The following NT5C2 variants were observed in gnomAD, a reference collection of about 807,000 sequenced individuals.
NT5C2 encodes the protein cytosolic purine 5'-nucleotidase.
Under a neutral mutation model 76.1 loss-of-function variants are expected in NT5C2, and 58 were observed. The ratio of observed to expected loss-of-function variants is 0.76; its 90% CI spans 0.62 to 0.95. NT5C2 has a LOEUF of 0.95. Among genes scored for constraint, NT5C2 ranks in the 40% least tolerant of loss-of-function variants. NT5C2 has a pLI of 0.00. For missense variants in NT5C2, 478 were observed against 690.3 expected (o/e 0.69, Z 3.45); for synonymous variants, 229 against 237.4 (o/e 0.96, Z 0.32).
intron 4 of NT5C2, among the ~76,000 whole-genome samples, chr10:103,123,640 A>T (rs1291255148): frequency 6.6e-6 from 1 of 152,164 alleles, no homozygotes; most frequent in Admixed American, 6.5e-5. Context: ...TCTTCCTGAA[A>T]ATTTCTCAGA....
chr10:103,106,591 G>T lies in NT5C2; in HGVS notation c.291C>A (p.Thr97=). Residue 97 remains threonine (T), a splice_region_variant and synonymous_variant, in exon 5 of 19, where the codon ACC becomes ACA. Coordinates refer to ENST00000404739, the MANE Select transcript of NT5C2 (RefSeq NM_001351169.2). The part of the protein sequence containing the change: ...LSFAYDSTFP[T]RGLVFDTLYG... ...CCAAAAATATCTTTAAAAATTACCT[G>T]GTAGGGAATGTAGAATCATAAGCAA... 2 of 1,576,746 alleles carry T rather than the reference G, an allele frequency of 1.3e-6. No homozygotes were observed. Among genetic ancestry groups the T allele is most frequent in the Admixed American group, 1.7e-5 (1 of 59,960 alleles).
In NT5C2 at chr10:103,089,830, T is replaced by G. The variant is rs766540908; in HGVS notation, c.1528A>C (p.Thr510Pro). The G allele has an allele frequency of 1.5e-5, 24 of 1,614,002 alleles. No individual in the cohort carries two copies. Among genetic ancestry groups the G allele is most frequent in the Non-Finnish European group, 2.0e-5 (24 of 1,180,028 alleles). ...MESPLATRNR[T>P]SVDFKDTDYK... ...TCAGTGTCTTTGAAATCCACTGATGTGCGGTTCCGGGTGGCAAGAGGAGAC... is the reference window on the plus strand; with the variant it reads ...TCAGTGTCTTTGAAATCCACTGATGGGCGGTTCCGGGTGGCAAGAGGAGAC... Residue 510 changes from threonine (T) to proline (P), a missense_variant, in exon 19 of 19, where the codon ACA (threonine) becomes CCA (proline). Transcript: ENST00000404739.
chr10:103,189,760 C>T (rs974694233), intron 1 of NT5C2, among the ~76,000 whole-genome samples: 2 of 151,288 alleles, frequency 1.3e-5, no homozygotes, highest in African/African-American at 4.9e-5. Flanking sequence ...CCTCTGCCTC[C>T]CAGGTTCAAG....
chr10:103,129,942 C>G (rs1328035350), intron 4 of NT5C2, among the ~76,000 whole-genome samples: 1 of 127,070 alleles, frequency 7.9e-6, no homozygotes, highest in Non-Finnish European at 1.7e-5. Context: ...GGGGGTCAGC[C>G]CCCCCGCCCG....
chr10:103,142,010 A>G (rs1409367183), intron 3 of NT5C2, among the ~76,000 whole-genome samples: 2 of 152,232 alleles, frequency 1.3e-5, no homozygotes, highest in Non-Finnish European at 2.9e-5. Context: ...AAAATGCAAG[A>G]AAGGCAACGC....
chr10:103,102,992 T>C (rs1234579892), intron 6 of NT5C2, among the ~76,000 whole-genome samples: 3 of 151,434 alleles, frequency 2.0e-5, no homozygotes, highest in African/African-American at 7.3e-5. Flanking sequence ...TGAAGAAAAT[T>C]CAAGGTTTAA....
intron 3 of NT5C2, among the ~76,000 whole-genome samples, chr10:103,155,956 G>C (rs973438930): frequency 6.6e-6 from 1 of 152,116 alleles, no homozygotes; most frequent in African/African-American, 2.4e-5. Context: ...TTGAGGCCAA[G>C]AGTTTTAGAC....
chr10:103,165,750 T>A (rs891609525), intron 3 of NT5C2, among the ~76,000 whole-genome samples: 2 of 149,648 alleles, frequency 1.3e-5, no homozygotes, highest in African/African-American at 4.9e-5. Flanking sequence ...AGGCTCACTG[T>A]AACCTCCGCC....
At chr10:103,149,198 GA>G (rs1330529110) in intron 3 of NT5C2, among the ~76,000 whole-genome samples, 20 of 152,262 alleles carry the variant, frequency 1.3e-4, no homozygotes, top group Admixed American at 1.3e-3. Flanking sequence ...AACTCAACTT[GA>G]ATTCTAGGTG....
chr10:103,184,022 G>C (rs571675567), intron 1 of NT5C2, among the ~76,000 whole-genome samples: 2 of 150,898 alleles, frequency 1.3e-5, no homozygotes, highest in African/African-American at 4.9e-5. Context: ...ACGCGATCTC[G>C]GCTCAATGCA....
In NT5C2 at chr10:103,170,725, C is replaced by T. The variant is rs1237646763; in HGVS notation, c.101+4133G>A. 3.3e-5 allele frequency among the ~76,000 whole-genome samples: 5 copies of T among 151,634 alleles called. No homozygotes were observed. The East Asian group carries it at 9.6e-4, about 29-fold the overall frequency. ...TTTTTTTTGTAGAGACAGGGTTTCG[C>T]CATCTTGCCCAGGCTGGTCTCAAAC... On this transcript the variant is annotated intron_variant, in intron 3 of 18. Transcript: ENST00000404739.
At position 103,179,331 on chromosome 10, in the gene NT5C2, C is replaced by T. The variant is rs2135152911; in HGVS notation, c.-25+1854G>A. 2.0e-5 allele frequency among the ~76,000 whole-genome samples: 3 copies of T among 152,272 alleles called. 1 individual carries two copies. The South Asian group carries it at 6.2e-4, about 32-fold the overall frequency. On this transcript the variant is annotated intron_variant, in intron 2 of 18. Coordinates refer to ENST00000404739, the MANE Select transcript of NT5C2 (RefSeq NM_001351169.2). ...TTATTACATCAGATCCAAGAACCCTCTCTTGGGGTCTGGATCAGGACCCCT... is the reference window on the plus strand; with the variant it reads ...TTATTACATCAGATCCAAGAACCCTTTCTTGGGGTCTGGATCAGGACCCCT...
intron 6 of NT5C2, among the ~76,000 whole-genome samples, chr10:103,101,999 G>A (rs940426857): frequency 6.6e-6 from 1 of 152,146 alleles, no homozygotes; most frequent in Non-Finnish European, 1.5e-5. Context: ...CCATTTAGGG[G>A]CAAGAGGGTA....
chr10:103,126,191 G>A (rs1245732267), intron 4 of NT5C2, among the ~76,000 whole-genome samples: 1 of 152,192 alleles, frequency 6.6e-6, no homozygotes, highest in African/African-American at 2.4e-5. Flanking sequence ...CGAAAAAAGG[G>A]AAAAGAAAAA....
chr10:103,159,149 C>T (rs2134016747), intron 3 of NT5C2, among the ~76,000 whole-genome samples: 1 of 152,090 alleles, frequency 6.6e-6, no homozygotes, highest in South Asian at 2.1e-4. Flanking sequence ...AGGGGGATCA[C>T]TTGAGGCCAA....
At chr10:103,178,934 G>A (rs1404807290) in intron 2 of NT5C2, among the ~76,000 whole-genome samples, 2 of 130,134 alleles carry the variant, frequency 1.5e-5, no homozygotes, top group Non-Finnish European at 3.3e-5. Context: ...ATTCCTCTAC[G>A]TTTTCTTTTT....
At position 103,106,323 on chromosome 10, in the gene NT5C2, CA is replaced by C. The variant is rs1409246076; in HGVS notation, c.293+265del. 8.3e-4 allele frequency among the ~76,000 whole-genome samples: 126 copies of C among 152,252 alleles called. 2 individuals are homozygous for C. The highest frequency in any genetic ancestry group is 7.4e-3 in the Admixed American group (113 of 15,296). ...AGCACCACCTGTGATTACTGCCCAT[CA>C]GTTTTAGTAATCTCCTTTTTTACCT... On this transcript the variant is annotated intron_variant, in intron 5 of 18. Transcript: ENST00000404739.
rs372800976 is a variant in NT5C2, at chr10:103,101,262, T to G, written c.454A>C (p.Ile152Leu). The change falls in exon 7 of 19, where the codon ATT (isoleucine) becomes CTT (leucine). Residue 152 changes from isoleucine to leucine, a missense_variant. By Grantham distance (5) the Ile-to-Leu change is conservative. Transcript: ENST00000404739. ...GGTAGGTTGAATAGTGTGTTCAGAA[T>G]GTAAAATCTTTCAGTATCATCTCGC... ...IQRDDTERFYILNTLFNLPET... is the reference protein window; with the variant it reads ...IQRDDTERFYLLNTLFNLPET... 1 of 1,606,490 alleles carries G rather than the reference T, an allele frequency of 6.2e-7. No individual in the cohort carries two copies. Among genetic ancestry groups the G allele is most frequent in the African/African-American group, 1.3e-5 (1 of 74,886 alleles).
chr10:103,165,702 A>C (rs2086217432), intron 3 of NT5C2, among the ~76,000 whole-genome samples: 1 of 141,180 alleles, frequency 7.1e-6, no homozygotes, highest in African/African-American at 2.7e-5. Context: ...ACAGAGTTTC[A>C]CTCTTATTGC....
Sources: allele counts gnomAD v4.1 joint callset (sites outside exome capture counted in the v4.1 genomes callset), GRCh38; gene constraint gnomAD v4.1.1; transcripts MANE v1.5; gene names NCBI Gene and HGNC (gene_info 2026-07-23, HGNC 2026-07-21).